CDH4: variants seen among roughly 807,000 people sequenced by gnomAD.
The protein encoded by CDH4 is cadherin-4.
CDH4 carries 33 observed loss-of-function variants against 86.0 expected under a neutral mutation model. The observed-to-expected ratio is 0.38, with a 90% confidence interval of 0.29 to 0.51. The LOEUF (loss-of-function observed/expected upper bound fraction) is 0.51, where lower values mean the gene tolerates loss of function less well. Ranked by LOEUF, CDH4 falls within the 20% of genes least tolerant of loss-of-function variation. CDH4 has a pLI of 0.86. For missense variants in CDH4, 1,114 were observed against 1,307.4 expected (o/e 0.85, Z 2.28); for synonymous variants, 555 against 549.4 (o/e 1.01, Z -0.14).
chr20:61,493,201 T>G (rs2085637723), intron 2 of CDH4, among the ~76,000 whole-genome samples: 1 of 152,208 alleles, frequency 6.6e-6, no homozygotes. Context: ...CCTGTGTCAG[T>G]GCTGTAGCCC....
chr20:61,573,501 C>T (rs191206204), intron 2 of CDH4, among the ~76,000 whole-genome samples: 276 of 152,314 alleles, frequency 1.8e-3, no homozygotes, highest in African/African-American at 6.3e-3. Flanking sequence ...GCATGGAGAG[C>T]GCACCATCAT....
At chr20:61,863,143 G>T (rs939781480) in intron 6 of CDH4, among the ~76,000 whole-genome samples, 2 of 152,298 alleles carry the variant, frequency 1.3e-5, no homozygotes, top group East Asian at 1.9e-4. Flanking sequence ...CCTTTAAGGC[G>T]CATGGCAGCG....
intron 2 of CDH4, among the ~76,000 whole-genome samples, chr20:61,539,767 G>A (rs763775025): frequency 5.3e-5 from 8 of 152,250 alleles, no homozygotes; most frequent in Non-Finnish European, 7.3e-5. Context: ...CAGGACGAGA[G>A]GGAGCAGAGC....
intron 2 of CDH4, among the ~76,000 whole-genome samples, chr20:61,345,672 G>A (rs1568806870): frequency 6.6e-6 from 1 of 152,208 alleles, no homozygotes; most frequent in Non-Finnish European, 1.5e-5. Context: ...GAGGGGAACA[G>A]GGGAAGAGAG....
chr20:61,281,355 G>A (rs888467679), intron 2 of CDH4, among the ~76,000 whole-genome samples: 21 of 152,224 alleles, frequency 1.4e-4, no homozygotes, highest in Non-Finnish European at 1.5e-5. Context: ...GGACCCCAGA[G>A]AGGCCTGCTT....
At chr20:61,677,471 G>A (rs534054050) in intron 2 of CDH4, among the ~76,000 whole-genome samples, 1 of 152,314 alleles carries the variant, frequency 6.6e-6, no homozygotes, top group East Asian at 1.9e-4. Flanking sequence ...TATAGTTGGT[G>A]TCAATGTATA....
At chr20:61,555,380 G>A (rs1269648132) in intron 2 of CDH4, among the ~76,000 whole-genome samples, 2 of 152,324 alleles carry the variant, frequency 1.3e-5, no homozygotes, top group East Asian at 1.9e-4. Context: ...TAAGTGTGGT[G>A]CAGGTAACTG....
chr20:61,513,588 A>T (rs1044999879), intron 2 of CDH4, among the ~76,000 whole-genome samples: 23 of 152,204 alleles, frequency 1.5e-4, no homozygotes, highest in Non-Finnish European at 3.2e-4. Context: ...TTCTAGCAAC[A>T]ACATTGCTCT....
intron 2 of CDH4, among the ~76,000 whole-genome samples, chr20:61,505,375 G>A (rs2427142): frequency 0.61 from 93,079 of 152,016 alleles, 29,352 homozygotes; most frequent in African/African-American, 0.76. Context: ...AGGACGGCCC[G>A]CTTTGGAATC....
At chr20:61,799,705 T>C (rs1283519585) in intron 4 of CDH4, among the ~76,000 whole-genome samples, 1 of 152,144 alleles carries the variant, frequency 6.6e-6, no homozygotes, top group East Asian at 1.9e-4. Context: ...CTCCTCTCCA[T>C]CTCTCCTGGG....
In CDH4 at chr20:61,347,783, G is replaced by A. The variant is rs965852769; in HGVS notation, c.169+92846G>A. 6.6e-5 allele frequency among the ~76,000 whole-genome samples: 10 copies of A among 152,168 alleles called. No homozygotes were observed. The East Asian group carries it at 9.6e-4, about 15-fold the overall frequency. On this transcript the variant is annotated intron_variant, in intron 2 of 15. Coordinates refer to ENST00000614565, the MANE Select transcript of CDH4 (RefSeq NM_001794.5). ...TTGGCGGGGTGTGCTTTCCTGGTTC[G>A]GCACGGGACATTGGTCTCTTCAACT...
At chr20:61,766,767 A>G (rs1474548576) in intron 3 of CDH4, among the ~76,000 whole-genome samples, 3 of 152,046 alleles carry the variant, frequency 2.0e-5, no homozygotes, top group Admixed American at 2.0e-4. Context: ...GTCCTGTGCC[A>G]CTGTCTGTGC....
chr20:61,264,328 A>G (rs1463633849), intron 2 of CDH4, among the ~76,000 whole-genome samples: 1 of 151,944 alleles, frequency 6.6e-6, no homozygotes, highest in African/African-American at 2.4e-5. Context: ...TCTTACACAT[A>G]TCTCAGTGGC....
At chr20:61,828,991 T>A (rs1173101040) in intron 4 of CDH4, among the ~76,000 whole-genome samples, 1 of 152,082 alleles carries the variant, frequency 6.6e-6, no homozygotes, top group Non-Finnish European at 1.5e-5. Flanking sequence ...CACAACAGGG[T>A]CCACACTCCT....
chr20:61,715,318 G>A (rs2087941368), intron 2 of CDH4, among the ~76,000 whole-genome samples: 1 of 152,168 alleles, frequency 6.6e-6, no homozygotes, highest in Non-Finnish European at 1.5e-5. Context: ...TTTGTTGGAT[G>A]CAGAGTTTGC....
chr20:61,325,799 G>T (rs1179465089), intron 2 of CDH4, among the ~76,000 whole-genome samples: 1 of 152,178 alleles, frequency 6.6e-6, no homozygotes, highest in Non-Finnish European at 1.5e-5. Context: ...TTGGAGGGCT[G>T]CCTCCAACAA....
chr20:61,268,839 G>A (rs967996702), intron 2 of CDH4, among the ~76,000 whole-genome samples: 1 of 152,102 alleles, frequency 6.6e-6, no homozygotes, highest in Non-Finnish European at 1.5e-5. Context: ...AGAACCATGC[G>A]CCAAATAAAC....
chr20:61,554,331 G>T (rs1023665625), intron 2 of CDH4, among the ~76,000 whole-genome samples: 1 of 152,210 alleles, frequency 6.6e-6, no homozygotes, highest in Non-Finnish European at 1.5e-5. Context: ...TGTGGTTGAG[G>T]CAGGGGGCAG....
chr20:61,475,650 C>G (rs1209033951), intron 2 of CDH4, among the ~76,000 whole-genome samples: 1 of 74,896 alleles, frequency 1.3e-5, no homozygotes, highest in Non-Finnish European at 2.5e-5. Flanking sequence ...CTCACTCACC[C>G]GCCTCCCCTC....
Sources: gnomAD v4.1 joint callset for allele counts (sites outside exome capture counted in the v4.1 genomes callset) on GRCh38, gnomAD v4.1.1 for gene constraint, MANE v1.5 for transcripts, NCBI Gene and HGNC (gene_info 2026-07-23, HGNC 2026-07-21) for gene names.